The following ZFHX3 variants were observed in gnomAD, a reference collection of about 807,000 sequenced individuals.
ZFHX3 encodes zinc finger homeobox protein 3.
In ZFHX3, 42 loss-of-function variants were observed where a neutral mutation model predicts 279.1. The observed-to-expected ratio is 0.15, with a 90% confidence interval of 0.12 to 0.19. The LOEUF is 0.19. Among genes scored for constraint, ZFHX3 ranks in the 10% least tolerant of loss-of-function variants. ZFHX3 has a pLI of 1.00. For missense variants in ZFHX3, 4,981 were observed against 4,754.0 expected, an observed-to-expected ratio of 1.05 and a Z score of -1.40; for synonymous variants, 2,293 against 1,957.8, an observed-to-expected ratio of 1.17 and a Z score of -4.52.
intron 6 of ZFHX3, 21 bp downstream of exon 6, chr16:72,811,884 C>T (rs765951049): frequency 2.5e-6 from 4 of 1,612,538 alleles, no homozygotes; most frequent in Non-Finnish European, 3.4e-6. Context: ...TCCCCACCAG[C>T]AGAGTCCCTT....
At chr16:73,752,493 T>C (rs1054641213) in intron 1 of ZFHX3, among the ~76,000 whole-genome samples, 2 of 152,168 alleles carry the variant, frequency 1.3e-5, no homozygotes, top group Non-Finnish European at 2.9e-5. Context: ...TCTTTTCCTC[T>C]CTTTCTCCCT....
Position 72,796,915 on chromosome 16 carries a change from G to A in ZFHX3, c.5767C>T (p.Pro1923Ser). The A allele has an allele frequency of 1.2e-5, 19 of 1,613,876 alleles. No individual in the cohort carries two copies. Among genetic ancestry groups the A allele is most frequent in the Non-Finnish European group, 1.6e-5 (19 of 1,179,982 alleles). The change falls in exon 9 of 10, where the codon CCA becomes TCA. Residue 1923 changes from proline (P) to serine (S), a missense_variant. Around this residue, in one of 7 missense-constraint regions of ZFHX3, gnomAD observed 1,751 missense variants for 1,770.0 expected, o/e 0.99. Coordinates refer to ENST00000268489, the MANE Select transcript of ZFHX3 (RefSeq NM_006885.4). Reference sequence around the variant, plus strand: ...ATGGAAGGCTCAGAACCACCCCCTGGTGCCAACTCTTTCTTCTCTTTGGCC... The same window carrying A: ...ATGGAAGGCTCAGAACCACCCCCTGATGCCAACTCTTTCTTCTCTTTGGCC... The part of the protein sequence containing the change: ...LKAKEKKELA[P>S]GGGSEPSMLP...
At chr16:73,086,024 G>A (rs931141825) in intron 8 of ZFHX3, among the ~76,000 whole-genome samples, 2 of 147,644 alleles carry the variant, frequency 1.4e-5, no homozygotes, top group African/African-American at 5.0e-5. Flanking sequence ...TTAAAAATGG[G>A]CAAAAGATCT....
chr16:73,884,883 T>C (rs56969971), intron 1 of ZFHX3, among the ~76,000 whole-genome samples: 1 of 152,302 alleles, frequency 6.6e-6, no homozygotes, highest in East Asian at 1.9e-4. Flanking sequence ...AGAACTTAAT[T>C]AGCTGCAAAT....
chr16:72,811,057 GTA>G (rs1200852985), intron 7 of ZFHX3, among the ~76,000 whole-genome samples: 5 of 151,950 alleles, frequency 3.3e-5, no homozygotes, highest in Non-Finnish European at 7.4e-5. Context: ...TAATTTTAAA[GTA>G]TGTTTTGTAG....
At chr16:73,645,118 A>G (rs755686473) in intron 2 of ZFHX3, among the ~76,000 whole-genome samples, 9 of 152,212 alleles carry the variant, frequency 5.9e-5, no homozygotes, top group Non-Finnish European at 1.2e-4. Context: ...AAGCAACCAG[A>G]TATTACCAGG....
chr16:73,707,427 G>A (rs998788485), intron 1 of ZFHX3, among the ~76,000 whole-genome samples: 3 of 152,016 alleles, frequency 2.0e-5, no homozygotes, highest in Non-Finnish European at 4.4e-5. Flanking sequence ...TAACATTTAT[G>A]TAACATTAAG....
At position 73,888,115 on chromosome 16, in the gene ZFHX3, A is replaced by G. The variant is rs1335349079; in HGVS notation, c.-1608+3536T>C. Among the ~76,000 whole-genome samples, 7 of 152,290 alleles carry G rather than the reference A, an allele frequency of 4.6e-5. No homozygotes were observed. The South Asian group carries it at 1.5e-3, about 32-fold the overall frequency. ...TCCCTACCGCAAGCTATAAAGCTCA[A>G]ATGTCTCTAGGAGCATCACCGAGGC... On this transcript the variant is annotated intron_variant, in intron 1 of 17. Coordinates refer to the ZFHX3 transcript ENST00000641206.
chr16:73,575,368 G>T (rs967674593), intron 2 of ZFHX3, among the ~76,000 whole-genome samples: 1 of 152,138 alleles, frequency 6.6e-6, no homozygotes, highest in Non-Finnish European at 1.5e-5. Context: ...CCTGTTCCGG[G>T]CACATGATGT....
intron 8 of ZFHX3, among the ~76,000 whole-genome samples, chr16:73,090,379 A>T (rs1966058030): frequency 6.6e-6 from 1 of 152,120 alleles, no homozygotes. Context: ...GGTGACAGAG[A>T]CCCTGTCTCA....
intron 7 of ZFHX3, among the ~76,000 whole-genome samples, chr16:73,121,799 T>C (rs998954089): frequency 6.6e-6 from 1 of 151,920 alleles, no homozygotes; most frequent in African/African-American, 2.4e-5. Flanking sequence ...GTATTTTTAG[T>C]AGAGACGGGG....
chr16:72,999,633 A>G (rs988413632), intron 1 of ZFHX3, among the ~76,000 whole-genome samples: 1 of 152,148 alleles, frequency 6.6e-6, no homozygotes, highest in African/African-American at 2.4e-5. Flanking sequence ...CTCAGGGGTG[A>G]CCCATCTATC....
chr16:73,261,884 A>T (rs981516709), intron 4 of ZFHX3, among the ~76,000 whole-genome samples: 2 of 152,108 alleles, frequency 1.3e-5, no homozygotes, highest in African/African-American at 4.8e-5. Flanking sequence ...CATGTTGGTC[A>T]GACTGGTCTC....
chr16:72,911,509 T>C (rs1414722041), intron 3 of ZFHX3, among the ~76,000 whole-genome samples: 2 of 152,186 alleles, frequency 1.3e-5, no homozygotes, highest in African/African-American at 4.8e-5. Context: ...GAAATCAGTT[T>C]ACCTTCTCGG....
chr16:73,293,647 G>C lies in ZFHX3; in HGVS notation c.-1194+24593C>G, dbSNP rs562210741. On this transcript the variant is annotated intron_variant, in intron 4 of 17. Transcript: ENST00000641206. ...TTTCTGGGCACAGTCACTTCAAAGA[G>C]ACAGACTAAAGCCCAGGCCAGCATG... Among the ~76,000 whole-genome samples the C allele has an allele frequency of 3.3e-5, 5 of 152,342 alleles. No homozygotes were observed. In the East Asian group the frequency reaches 5.8e-4, roughly 18 times the overall value.
chr16:73,102,245 A>G (rs917697284), intron 7 of ZFHX3, among the ~76,000 whole-genome samples: 1 of 152,166 alleles, frequency 6.6e-6, no homozygotes, highest in Non-Finnish European at 1.5e-5. Context: ...CTTGCAGATG[A>G]AGAACTTGGA....
At chr16:72,896,266 C>T (rs1238995185) in intron 3 of ZFHX3, among the ~76,000 whole-genome samples, 2 of 152,172 alleles carry the variant, frequency 1.3e-5, no homozygotes, top group East Asian at 3.9e-4. Flanking sequence ...CTTCCTAATC[C>T]TATTAGGGCT....
intron 4 of ZFHX3, among the ~76,000 whole-genome samples, chr16:73,263,842 A>G (rs1468377468): frequency 1.3e-5 from 2 of 152,192 alleles, no homozygotes; most frequent in Non-Finnish European, 2.9e-5. Flanking sequence ...GGAAGGTGCT[A>G]AGCAACAGGG....
chr16:73,657,964 G>A (rs1164034426), intron 2 of ZFHX3, among the ~76,000 whole-genome samples: 1 of 152,136 alleles, frequency 6.6e-6, no homozygotes, highest in Non-Finnish European at 1.5e-5. Context: ...ATATGTTGAC[G>A]AATGGAATTA....
Sources: gnomAD v4.1 joint callset for allele counts (sites outside exome capture counted in the v4.1 genomes callset) on GRCh38, gnomAD v4.1.1 for gene constraint, gnomAD v4.1.1 regional missense constraint, MANE v1.5 for transcripts, NCBI Gene and HGNC (gene_info 2026-07-23, HGNC 2026-07-21) for gene names.